ADK: variants seen among roughly 807,000 people sequenced by gnomAD.
ADK encodes the protein adenosine kinase, also known as N6,N6-dimethyladenosine kinase.
In ADK, 24 loss-of-function variants were observed where a neutral mutation model predicts 44.7. The observed-to-expected ratio is 0.54, with a 90% CI of 0.39 to 0.76. The LOEUF is 0.76. Among genes scored for constraint, ADK ranks in the 30% least tolerant of loss-of-function variants. The probability of loss-of-function intolerance (pLI) is 0.00; values close to 1 mark genes in which losing one functional copy is unlikely to be tolerated. For missense variants in ADK, 321 were observed against 425.1 expected, an observed-to-expected ratio of 0.76 and a Z score of 2.15; for synonymous variants, 128 against 142.6, an observed-to-expected ratio of 0.90 and a Z score of 0.73.
chr10:74,560,154 A>G (rs1850404242), intron 7 of ADK, among the ~76,000 whole-genome samples: 1 of 152,180 alleles, frequency 6.6e-6, no homozygotes, highest in African/African-American at 2.4e-5. Context: ...CCTGAGCTCA[A>G]GTGATCCTCC....
intron 7 of ADK, among the ~76,000 whole-genome samples, chr10:74,569,153 C>T (rs996118751): frequency 1.2e-4 from 19 of 152,110 alleles, no homozygotes; most frequent in African/African-American, 4.3e-4. Context: ...ACATGTGCCA[C>T]GTTTTCTTAA....
chr10:74,489,700 A>G (rs969695846), intron 6 of ADK, among the ~76,000 whole-genome samples: 2 of 151,796 alleles, frequency 1.3e-5, no homozygotes, highest in Admixed American at 1.3e-4. Context: ...TACTATTCCA[A>G]CTGGAATAAT....
chr10:74,306,835 A>G (rs1166789400), intron 3 of ADK, among the ~76,000 whole-genome samples: 1 of 152,214 alleles, frequency 6.6e-6, no homozygotes, highest in East Asian at 1.9e-4. Flanking sequence ...TGAGGGTACC[A>G]AACTGACCTC....
At chr10:74,201,939 C>T (rs1053404740) in intron 2 of ADK, among the ~76,000 whole-genome samples, 3 of 152,068 alleles carry the variant, frequency 2.0e-5, no homozygotes, top group Admixed American at 6.6e-5. Flanking sequence ...AAATTTATAT[C>T]GCATAAAATT....
intron 4 of ADK, among the ~76,000 whole-genome samples, chr10:74,373,007 T>A (rs991868324): frequency 1.5e-4 from 23 of 152,116 alleles, no homozygotes; most frequent in Admixed American, 6.5e-5. Context: ...TGGTATAGAA[T>A]TGAGAACAGA....
intron 1 of ADK, among the ~76,000 whole-genome samples, chr10:74,173,173 A>C (rs557308282): frequency 7.8e-4 from 118 of 151,088 alleles, no homozygotes; most frequent in African/African-American, 2.6e-3. Flanking sequence ...GCTCACTGCA[A>C]GCTCCACCTT....
Position 74,200,703 on chromosome 10 carries a change from A to G in ADK, c.66-61A>G. The G allele has an allele frequency of 4.6e-6, 5 of 1,090,942 alleles. No individual in the cohort carries two copies. In the South Asian group the frequency reaches 5.1e-5, roughly 11 times the overall value. 67.6% of individuals were successfully genotyped at this position (1,090,942 alleles called of 1,614,324 possible). ...GAAGATAGTTATTTTTATTTTGTGT[A>G]CCTTTTACATATCAACTTACTTTTA... On this transcript the variant is annotated intron_variant, in intron 1 of 10. Coordinates refer to ENST00000539909, the MANE Select transcript of ADK (RefSeq NM_006721.4).
At chr10:74,572,551 C>T (rs1034254804) in intron 7 of ADK, among the ~76,000 whole-genome samples, 17 of 152,148 alleles carry the variant, frequency 1.1e-4, no homozygotes, top group Non-Finnish European at 2.2e-4. Flanking sequence ...ATGTTGGCTG[C>T]CTTGCTAGAT....
intron 3 of ADK, among the ~76,000 whole-genome samples, chr10:74,305,003 TC>T (rs1840195926): frequency 6.6e-6 from 1 of 152,210 alleles, no homozygotes; most frequent in South Asian, 2.1e-4. Flanking sequence ...GATTCTCAAG[TC>T]CCTGATATAA....
chr10:74,254,637 T>C (rs181707178), intron 3 of ADK, among the ~76,000 whole-genome samples: 2 of 152,320 alleles, frequency 1.3e-5, no homozygotes, highest in African/African-American at 4.8e-5. Context: ...CTTGTTACTT[T>C]TCTTATCTAA....
chr10:74,695,758 G>A (rs1325083720), intron 10 of ADK, among the ~76,000 whole-genome samples: 1 of 151,710 alleles, frequency 6.6e-6, no homozygotes, highest in African/African-American at 2.4e-5. Flanking sequence ...TCCCACCTCA[G>A]CCTCCCAAGT....
intron 3 of ADK, among the ~76,000 whole-genome samples, chr10:74,291,767 G>A (rs901682214): frequency 2.7e-5 from 4 of 150,240 alleles, no homozygotes; most frequent in African/African-American, 7.4e-5. Flanking sequence ...GTTGGCAAAG[G>A]ATGTGATATT....
At chr10:74,366,690 G>A (rs1198180854) in intron 4 of ADK, among the ~76,000 whole-genome samples, 1 of 152,174 alleles carries the variant, frequency 6.6e-6, no homozygotes, top group African/African-American at 2.4e-5. Flanking sequence ...AGCATTTTGG[G>A]AGGCTGAGGC....
At chr10:74,219,289 TA>T (rs1175087970) in intron 2 of ADK, among the ~76,000 whole-genome samples, 1 of 151,580 alleles carries the variant, frequency 6.6e-6, no homozygotes, top group Non-Finnish European at 1.5e-5. Context: ...TACATAATGG[TA>T]AAGGGATCAA....
chr10:74,205,869 A>G (rs1311933706), intron 2 of ADK, among the ~76,000 whole-genome samples: 1 of 152,122 alleles, frequency 6.6e-6, no homozygotes, highest in East Asian at 1.9e-4. Context: ...AACTTTCTTA[A>G]CCCTATAAAG....
chr10:74,164,451 G>T (rs1841982267), intron 1 of ADK, among the ~76,000 whole-genome samples: 1 of 152,118 alleles, frequency 6.6e-6, no homozygotes, highest in Non-Finnish European at 1.5e-5. Context: ...CAGGATAATT[G>T]CTTGAACCTG....
At chr10:74,395,546 C>A (rs1386427461) in intron 5 of ADK, among the ~76,000 whole-genome samples, 2 of 151,818 alleles carry the variant, frequency 1.3e-5, no homozygotes, top group African/African-American at 4.8e-5. Flanking sequence ...TAAAAAAAAA[C>A]AACTAAAAAT....
chr10:74,691,943 C>T (rs1290293673), intron 10 of ADK, among the ~76,000 whole-genome samples: 2 of 152,160 alleles, frequency 1.3e-5, no homozygotes, highest in East Asian at 1.9e-4. Context: ...TAAACAACCA[C>T]TTTGGAAGAC....
chr10:74,576,779 A>G (rs1321187435), intron 7 of ADK, among the ~76,000 whole-genome samples: 1 of 152,112 alleles, frequency 6.6e-6, no homozygotes, highest in African/African-American at 2.4e-5. Flanking sequence ...TATTACCTTC[A>G]ATTTCCATTG....
Sources: gnomAD v4.1 joint callset for allele counts (sites outside exome capture counted in the v4.1 genomes callset) on GRCh38, gnomAD v4.1.1 for gene constraint, MANE v1.5 for transcripts, NCBI Gene and HGNC (gene_info 2026-07-23, HGNC 2026-07-21) for gene names.